Variants in SOX5 observed in about 807,000 individuals in gnomAD.
SOX5 encodes transcription factor SOX-5.
A neutral mutation model predicts 92.0 loss-of-function variants in SOX5; 9 were observed. The observed-to-expected ratio is 0.10, with a 90% confidence interval of 0.06 to 0.17. SOX5 has a LOEUF of 0.17. Ranked by LOEUF, SOX5 falls within the 10% of genes least tolerant of loss-of-function variation. The pLI, the probability that SOX5 is intolerant of heterozygous loss-of-function variation, is 1.00. For missense variants in SOX5, 642 were observed against 944.5 expected, an observed-to-expected ratio of 0.68 and a Z score of 4.20; for synonymous variants, 344 against 336.3, an observed-to-expected ratio of 1.02 and a Z score of -0.25.
Position 24,033,067 on chromosome 12 carries a change from A to G in SOX5, c.-1-137043T>C, listed in dbSNP as rs117877788. On this transcript the variant is annotated intron_variant, in intron 4 of 4. Transcript: ENST00000446891. ...AGGTCTACAGATTTAATCAAAATTT[A>G]AAATGGTTTCATGACCCCAAAAGGT... 2.2e-4 allele frequency among the ~76,000 whole-genome samples: 33 copies of G among 152,042 alleles called. 1 individual carries two copies. The East Asian group carries it at 4.8e-3, about 22-fold the overall frequency.
At chr12:23,927,898 C>G (rs183848118) in intron 1 of SOX5, among the ~76,000 whole-genome samples, 28 of 151,962 alleles carry the variant, frequency 1.8e-4, no homozygotes, top group Admixed American at 1.8e-3. Flanking sequence ...ATAAGCTCAC[C>G]TTGAAATTTA....
At chr12:23,732,075 TA>T (rs897456531) in intron 6 of SOX5, among the ~76,000 whole-genome samples, 1 of 152,210 alleles carries the variant, frequency 6.6e-6, no homozygotes, top group Non-Finnish European at 1.5e-5. Flanking sequence ...TATCCATTTT[TA>T]ATTAAAATAA....
chr12:24,445,138 T>C (rs1374385536), intron 1 of SOX5, among the ~76,000 whole-genome samples: 1 of 152,214 alleles, frequency 6.6e-6, no homozygotes, highest in African/African-American at 2.4e-5. Flanking sequence ...AGTAAGTTAG[T>C]TAAAACAATA....
intron 2 of SOX5, among the ~76,000 whole-genome samples, chr12:24,315,234 T>G (rs370765047): frequency 9.2e-5 from 14 of 152,306 alleles, no homozygotes; most frequent in African/African-American, 3.4e-4. Context: ...TTACACTGCA[T>G]TTCTAGCTGT....
chr12:23,587,827 G>T (rs1305119239), intron 9 of SOX5, among the ~76,000 whole-genome samples: 1 of 151,928 alleles, frequency 6.6e-6, no homozygotes, highest in Non-Finnish European at 1.5e-5. Context: ...AACTAATATT[G>T]AAAGAAGTGA....
At chr12:23,719,804 A>C (rs1050927786) in intron 6 of SOX5, among the ~76,000 whole-genome samples, 2 of 150,346 alleles carry the variant, frequency 1.3e-5, no homozygotes, top group African/African-American at 2.5e-5. Context: ...AAAAAAAAAA[A>C]AAAAAAACTG....
rs181055527 is a variant in SOX5 at position 24,261,106 on chromosome 12, T to G, written c.-77+16110A>C. On this transcript the variant is annotated intron_variant, in intron 3 of 4. Coordinates refer to the SOX5 transcript ENST00000446891. ...TATGAGTGTTCAATATATGCTAACTTTATCCTTGTCATTGAGATTTTACGT... is the reference window on the plus strand; with the variant it reads ...TATGAGTGTTCAATATATGCTAACTGTATCCTTGTCATTGAGATTTTACGT... Among the ~76,000 whole-genome samples the G allele has an allele frequency of 6.2e-4, 95 of 152,318 alleles. 1 individual carries two copies. The highest frequency in any genetic ancestry group is 2.1e-3 in the African/African-American group (86 of 41,582).
At chr12:23,915,399 T>A (rs985621971) in intron 1 of SOX5, among the ~76,000 whole-genome samples, 8 of 152,182 alleles carry the variant, frequency 5.3e-5, no homozygotes, top group African/African-American at 1.9e-4. Context: ...GTTATTTTAA[T>A]ATTTTTATAC....
At chr12:24,370,613 GA>G (rs1956639890) in intron 1 of SOX5, among the ~76,000 whole-genome samples, 1 of 151,864 alleles carries the variant, frequency 6.6e-6, no homozygotes, top group South Asian at 2.1e-4. Context: ...CCAATATGGC[GA>G]AAACCTGTCT....
chr12:24,270,376 A>G (rs1055725146), intron 3 of SOX5, among the ~76,000 whole-genome samples: 1 of 152,148 alleles, frequency 6.6e-6, no homozygotes, highest in African/African-American at 2.4e-5. Flanking sequence ...GGAACTCTTT[A>G]TAAGAACCTT....
At chr12:24,063,039 T>C (rs1940039474) in intron 4 of SOX5, among the ~76,000 whole-genome samples, 1 of 152,236 alleles carries the variant, frequency 6.6e-6, no homozygotes, top group Non-Finnish European at 1.5e-5. Flanking sequence ...TAATGTACCA[T>C]GTGCCCATGG....
chr12:24,395,823 C>A (rs73281489), intron 1 of SOX5, among the ~76,000 whole-genome samples: 171 of 152,266 alleles, frequency 1.1e-3, no homozygotes, highest in African/African-American at 3.9e-3. Context: ...ACTTTCAAAC[C>A]AGGATTTCCT....
chr12:24,156,110 T>C (rs1952141473), intron 4 of SOX5, among the ~76,000 whole-genome samples: 1 of 152,134 alleles, frequency 6.6e-6, no homozygotes, highest in East Asian at 1.9e-4. Context: ...CCTCTTCCAC[T>C]GTAGGAACAT....
intron 1 of SOX5, among the ~76,000 whole-genome samples, chr12:24,382,283 TA>T (rs147802645): frequency 1.4e-4 from 22 of 152,194 alleles, no homozygotes; most frequent in African/African-American, 5.3e-4. Flanking sequence ...GTCACGCGGT[TA>T]ACAGAGCAGA....
chr12:24,333,337 A>T (rs1951539369), intron 2 of SOX5, among the ~76,000 whole-genome samples: 1 of 152,034 alleles, frequency 6.6e-6, no homozygotes, highest in Admixed American at 6.5e-5. Context: ...AATATGTAAA[A>T]CAGATTAAAA....
chr12:23,771,539 G>A (rs2141550263), intron 3 of SOX5, among the ~76,000 whole-genome samples: 1 of 152,322 alleles, frequency 6.6e-6, no homozygotes, highest in East Asian at 1.9e-4. Context: ...CGCTGACTGA[G>A]TTTATCCAAG....
At chr12:23,790,999 C>T (rs1008189412) in intron 3 of SOX5, among the ~76,000 whole-genome samples, 1 of 152,142 alleles carries the variant, frequency 6.6e-6, no homozygotes, top group African/African-American at 2.4e-5. Context: ...CTTCCAATGT[C>T]CCTCATCTCA....
chr12:23,901,758 C>T (rs935097288), intron 1 of SOX5, among the ~76,000 whole-genome samples: 5 of 152,288 alleles, frequency 3.3e-5, no homozygotes, highest in Middle Eastern at 3.4e-3. Context: ...AGTACTTAGA[C>T]CCTTTCTGAA....
At chr12:23,628,406 C>T (rs1275978162) in intron 8 of SOX5, among the ~76,000 whole-genome samples, 2 of 152,118 alleles carry the variant, frequency 1.3e-5, no homozygotes, top group Non-Finnish European at 1.5e-5. Context: ...CTGCTTCACT[C>T]CATAAAGGAA....
Sources: gnomAD v4.1 joint callset for allele counts (sites outside exome capture counted in the v4.1 genomes callset) on GRCh38, gnomAD v4.1.1 for gene constraint, MANE v1.5 for transcripts, NCBI Gene and HGNC (gene_info 2026-07-23, HGNC 2026-07-21) for gene names.